EML1: variants seen among roughly 807,000 people sequenced by gnomAD.
EML1 encodes echinoderm microtubule-associated protein-like 1.
A neutral mutation model predicts 110.4 loss-of-function variants in EML1; 27 were observed. The ratio of observed to expected loss-of-function variants is 0.24; its 90% confidence interval spans 0.18 to 0.34. The LOEUF (loss-of-function observed/expected upper bound fraction) is 0.34, where lower values mean the gene tolerates loss of function less well. EML1 is among the 10% of genes least tolerant of loss of function. The pLI is 1.00. For synonymous variants in EML1, 344 were observed against 385.8 expected (o/e 0.89, Z 1.27); for missense variants, 741 against 1,030.9 (o/e 0.72, Z 3.85).
At chr14:99,911,365 A>G in intron 12 of EML1, 57 bp from the exon 13 acceptor site, 1 of 1,530,740 alleles carries the variant, frequency 6.5e-7, no homozygotes. Flanking sequence ...AGATTAGAAA[A>G]TGGGCAGAGG....
At chr14:99,808,353 A>G (rs918743265) in intron 1 of EML1, among the ~76,000 whole-genome samples, 1 of 152,210 alleles carries the variant, frequency 6.6e-6, no homozygotes, top group Admixed American at 6.5e-5. Context: ...TTATCTTTAA[A>G]TTATTATAAG....
At chr14:99,911,618 A>T in intron 13 of EML1, 42 bp downstream of exon 13, 2 of 1,588,562 alleles carry the variant, frequency 1.3e-6, no homozygotes, top group Non-Finnish European at 8.5e-7. Flanking sequence ...TTTTAACCTT[A>T]AACTGTTATC....
intron 4 of EML1, 78 bp from the exon 5 acceptor site, chr14:99,891,121 G>A (rs544822852): frequency 2.2e-5 from 34 of 1,554,996 alleles, no homozygotes; most frequent in Middle Eastern, 3.4e-4. Context: ...TACTGCAGCC[G>A]TGGCTTTGGG....
intron 15 of EML1, chr14:99,915,369 G>A (rs968671298): frequency 2.4e-4 from 34 of 140,152 alleles, no homozygotes; most frequent in Non-Finnish European, 3.3e-4. Context: ...CCAAGATCAC[G>A]CCATTGCACT....
At chr14:99,779,891 G>A (rs940411158) in intron 1 of EML1, among the ~76,000 whole-genome samples, 1 of 152,210 alleles carries the variant, frequency 6.6e-6, no homozygotes, top group Non-Finnish European at 1.5e-5. Context: ...GGAGACGGGG[G>A]AGGAATCTAT....
At chr14:99,882,547 GTCCCTGGACTTCGGCC>G (rs1195415363) in intron 4 of EML1, among the ~76,000 whole-genome samples, 1 of 151,782 alleles carries the variant, frequency 6.6e-6, no homozygotes, top group African/African-American at 2.4e-5. Context: ...AATCAGGGGT[GTCCCTGGACTTCGGCC>G]TCCCTGGACT....
At position 99,914,163 on chromosome 14, in the gene EML1, T is replaced by C. The variant is rs1355495631; in HGVS notation, c.1495-16T>C. 6.3e-7 allele frequency: 1 copy of C among 1,592,638 alleles called. No individual in the cohort carries two copies. Among genetic ancestry groups the C allele is most frequent in the African/African-American group, 1.3e-5 (1 of 74,470 alleles). Reference sequence around the variant, plus strand: ...AAATTGTACATCTTTTCTTTTCATATGACTTTTCAATGCAGATTCCAGAAC... The same window carrying C: ...AAATTGTACATCTTTTCTTTTCATACGACTTTTCAATGCAGATTCCAGAAC... On this transcript the variant is annotated splice_polypyrimidine_tract_variant and intron_variant, in intron 13 of 21. Coordinates refer to ENST00000262233, the MANE Select transcript of EML1 (RefSeq NM_004434.3).
chr14:99,804,955 A>G (rs779384126), intron 1 of EML1, among the ~76,000 whole-genome samples: 1 of 152,054 alleles, frequency 6.6e-6, no homozygotes, highest in Non-Finnish European at 1.5e-5. Flanking sequence ...GCCACCCTGG[A>G]CTTCTGGTAG....
Position 99,849,302 on chromosome 14 carries a change from G to C in EML1, c.68-1551G>C, listed in dbSNP as rs376533191. ...TAAAGATGTAGTTCCGCTCTCTTCT[G>C]GTCTCCTTAGTTCATGATAAGTCAG... is the stretch of plus-strand genomic sequence containing the variant. On this transcript the variant is annotated intron_variant, in intron 1 of 21. Coordinates refer to ENST00000262233, the MANE Select transcript of EML1 (RefSeq NM_004434.3). Among the ~76,000 whole-genome samples, 7 of 152,124 alleles carry C rather than the reference G, an allele frequency of 4.6e-5. No individual in the cohort carries two copies. The South Asian group carries it at 1.5e-3, about 32-fold the overall frequency.
At chr14:99,803,030 A>G (rs1163998716) in intron 1 of EML1, among the ~76,000 whole-genome samples, 1 of 152,078 alleles carries the variant, frequency 6.6e-6, no homozygotes, top group Non-Finnish European at 1.5e-5. Context: ...CTCTGTCATC[A>G]TGATTATCCC....
At chr14:99,920,502 C>T (rs1258774194) in intron 16 of EML1, among the ~76,000 whole-genome samples, 1 of 152,200 alleles carries the variant, frequency 6.6e-6, no homozygotes, top group Non-Finnish European at 1.5e-5. Flanking sequence ...CTGCCCAGAG[C>T]TTTCTCTCCA....
At chr14:99,807,047 G>A (rs978002231) in intron 1 of EML1, among the ~76,000 whole-genome samples, 7 of 152,040 alleles carry the variant, frequency 4.6e-5, no homozygotes, top group Non-Finnish European at 7.4e-5. Context: ...GCTTTTGTAC[G>A]TTTGGCACCG....
intron 1 of EML1, among the ~76,000 whole-genome samples, chr14:99,798,449 G>C (rs1325009652): frequency 6.7e-6 from 1 of 149,166 alleles, no homozygotes; most frequent in African/African-American, 2.5e-5. Context: ...CTGGAGTGCA[G>C]TGGTGCAATC....
chr14:99,930,653 G>T (rs373922746), intron 17 of EML1, among the ~76,000 whole-genome samples: 1 of 152,218 alleles, frequency 6.6e-6, no homozygotes, highest in East Asian at 1.9e-4. Context: ...AAGCTTCATA[G>T]TGATAATTCT....
chr14:99,834,809 A>T (rs1301761734), intron 1 of EML1, among the ~76,000 whole-genome samples: 1 of 152,016 alleles, frequency 6.6e-6, no homozygotes, highest in African/African-American at 2.4e-5. Flanking sequence ...ATTTGTGGAA[A>T]GATTTTGTTT....
intron 2 of EML1, among the ~76,000 whole-genome samples, chr14:99,859,753 G>A (rs2058969242): frequency 6.6e-6 from 1 of 152,208 alleles, no homozygotes; most frequent in African/African-American, 2.4e-5. Flanking sequence ...TACAGGATAT[G>A]CAGCCCATGG....
intron 1 of EML1, among the ~76,000 whole-genome samples, chr14:99,826,618 T>C (rs2058364394): frequency 2.6e-5 from 4 of 151,914 alleles, no homozygotes; most frequent in South Asian, 4.2e-4. Flanking sequence ...CCTGCCCCAT[T>C]GTGAATGGAC....
At chr14:99,908,245 T>C (rs889492325) in intron 10 of EML1, among the ~76,000 whole-genome samples, 2 of 152,240 alleles carry the variant, frequency 1.3e-5, no homozygotes, top group African/African-American at 2.4e-5. Context: ...CCCAACAGGA[T>C]TCCTCCTGCG....
chr14:99,835,028 C>A (rs1385373844), intron 1 of EML1, among the ~76,000 whole-genome samples: 1 of 151,738 alleles, frequency 6.6e-6, no homozygotes, highest in Non-Finnish European at 1.5e-5. Context: ...TCATTTGTTA[C>A]CCAGGCAAGT....
Sources: allele counts gnomAD v4.1 joint callset (sites outside exome capture counted in the v4.1 genomes callset), GRCh38; gene constraint gnomAD v4.1.1; transcripts MANE v1.5; gene names NCBI Gene and HGNC (gene_info 2026-07-23, HGNC 2026-07-21).